YAP1: variants seen among roughly 807,000 people sequenced by gnomAD.
The protein encoded by YAP1 is transcriptional coactivator YAP1.
Under a neutral mutation model 56.9 loss-of-function variants are expected in YAP1, and 5 were observed. The ratio of observed to expected loss-of-function variants is 0.09; its 90% CI spans 0.05 to 0.18. The LOEUF is 0.18. Ranked by LOEUF, YAP1 falls within the 10% of genes least tolerant of loss-of-function variation. The pLI is 1.00. For missense variants in YAP1, 539 were observed against 651.8 expected, an observed-to-expected ratio of 0.83 and a Z score of 1.88; for synonymous variants, 265 against 248.1, an observed-to-expected ratio of 1.07 and a Z score of -0.64.
At chr11:102,202,199 G>A (rs917080385) in intron 4 of YAP1, among the ~76,000 whole-genome samples, 16 of 149,788 alleles carry the variant, frequency 1.1e-4, no homozygotes, top group Admixed American at 2.0e-4. Context: ...TCATTCTTTC[G>A]CCCAGGCTGG....
chr11:102,118,317 T>C (rs1943421948), intron 2 of YAP1, among the ~76,000 whole-genome samples: 1 of 152,174 alleles, frequency 6.6e-6, no homozygotes, highest in African/African-American at 2.4e-5. Context: ...TAAGTTATAT[T>C]GAGTAGCTTG....
chr11:102,219,429 G>A (rs772307362), intron 6 of YAP1, among the ~76,000 whole-genome samples: 5 of 152,078 alleles, frequency 3.3e-5, no homozygotes, highest in African/African-American at 7.2e-5. Flanking sequence ...GGATCACCAC[G>A]GAGAGTTTCT....
At chr11:102,130,978 T>C (rs1944340620) in intron 2 of YAP1, among the ~76,000 whole-genome samples, 1 of 152,088 alleles carries the variant, frequency 6.6e-6, no homozygotes, top group Non-Finnish European at 1.5e-5. Flanking sequence ...TAAGTGTCAT[T>C]GTCCTCTGTG....
In YAP1 at chr11:102,229,711, T is replaced by C; in HGVS notation, c.1286T>C (p.Ile429Thr). ...TGTGTGTTTCCACTAGGTGATACTA[T>C]CAACCAAAGCACCCTGCCCTCACAG... The part of the protein sequence containing the change: ...SVDEMDTGDT[I>T]NQSTLPSQQN... Residue 429 changes from isoleucine (I) to threonine (T), a missense_variant, in exon 9 of 9, where the codon ATC (isoleucine) becomes ACC (threonine). Ile to Thr is a moderately conservative substitution (Grantham distance 89). Transcript: ENST00000282441. 2 of 1,614,028 alleles carry C rather than the reference T, an allele frequency of 1.2e-6. No individual in the cohort carries two copies. The highest frequency in any genetic ancestry group is 1.7e-6 in the Non-Finnish European group (2 of 1,179,920).
chr11:102,211,977 A>G (rs898463149), intron 6 of YAP1, among the ~76,000 whole-genome samples: 1 of 152,222 alleles, frequency 6.6e-6, no homozygotes, highest in African/African-American at 2.4e-5. Flanking sequence ...CACTGGTATT[A>G]CAGGCGTGAG....
intron 8 of YAP1, among the ~76,000 whole-genome samples, chr11:102,228,219 A>G (rs752041935): frequency 1.1e-4 from 16 of 152,182 alleles, no homozygotes; most frequent in Non-Finnish European, 2.1e-4. Context: ...AGAGATGTCT[A>G]CATGTAATTC....
At chr11:102,161,788 A>T (rs1946307066) in intron 2 of YAP1, among the ~76,000 whole-genome samples, 1 of 152,178 alleles carries the variant, frequency 6.6e-6, no homozygotes, top group African/African-American at 2.4e-5. Context: ...ATTTCATGGT[A>T]TTTAGCTGTT....
chr11:102,221,966 C>G (rs934528298), intron 6 of YAP1, among the ~76,000 whole-genome samples: 2 of 151,334 alleles, frequency 1.3e-5, no homozygotes, highest in African/African-American at 4.9e-5. Context: ...TTTTTTTACC[C>G]CATTGAAGTT....
rs1276729141 is a variant in YAP1 at position 102,110,678 on chromosome 11, G to A, written c.-171G>A. On this transcript the variant is annotated 5_prime_UTR_variant, in exon 1 of 9. Coordinates refer to ENST00000282441, the MANE Select transcript of YAP1 (RefSeq NM_001130145.3). ...GGCGCAGGGCGGGGGCGGAGGCGCC[G>A]GGGCGGGGGATGCGGGGCCGCGGCG... 8.8e-6 allele frequency: 4 copies of A among 454,216 alleles called. No individual in the cohort carries two copies. Among genetic ancestry groups the A allele is most frequent in the Non-Finnish European group, 1.3e-5 (4 of 313,330 alleles). 28.1% of individuals were successfully genotyped at this position (454,216 alleles called of 1,614,324 possible).
Position 102,110,932 on chromosome 11 carries a change from C to T in YAP1, c.84C>T (p.Gly28=). 1 of 1,465,668 alleles carries T rather than the reference C, an allele frequency of 6.8e-7. No homozygotes were observed. The highest frequency in any genetic ancestry group is 9.0e-7 in the Non-Finnish European group (1 of 1,112,244). The allele number at this position is 1,465,668 out of a possible 1,614,324, so 90.8% of individuals were successfully genotyped here. A position where few individuals can be genotyped will look rare whatever the true frequency, so the allele number is the denominator to read the frequency against. The part of the protein sequence containing the change: ...QPPSQPPQGQ[G]PPSGPGQPAP... ...CTTCGCAGCCCCCGCAGGGGCAGGG[C>T]CCGCCGTCCGGACCCGGGCAACCGG... is the stretch of plus-strand genomic sequence containing the variant. Residue 28 remains glycine (G), a synonymous_variant, in exon 1 of 9, where the codon GGC becomes GGT. Transcript: ENST00000282441.
intron 3 of YAP1, among the ~76,000 whole-genome samples, chr11:102,173,239 C>G (rs1275093957): frequency 1.3e-5 from 2 of 152,064 alleles, no homozygotes; most frequent in Admixed American, 6.6e-5. Context: ...CCTCTAATAC[C>G]ATATTGCTAG....
chr11:102,132,751 A>G (rs532991800), intron 2 of YAP1, among the ~76,000 whole-genome samples: 7 of 152,366 alleles, frequency 4.6e-5, no homozygotes, highest in Non-Finnish European at 5.9e-5. Context: ...TGCAAAGTGA[A>G]TATAAACCGT....
chr11:102,178,123 T>A (rs2135470229), intron 3 of YAP1, among the ~76,000 whole-genome samples: 1 of 152,266 alleles, frequency 6.6e-6, no homozygotes, highest in South Asian at 2.1e-4. Context: ...GACTTAACAT[T>A]TGCTTGCAAA....
At chr11:102,219,947 TG>T (rs1949840656) in intron 6 of YAP1, among the ~76,000 whole-genome samples, 1 of 151,788 alleles carries the variant, frequency 6.6e-6, no homozygotes, top group Admixed American at 6.5e-5. Context: ...TTGGTCAGGC[TG>T]GTCTCCAACT....
chr11:102,151,152 T>G (rs1164388684), intron 2 of YAP1, among the ~76,000 whole-genome samples: 3 of 152,132 alleles, frequency 2.0e-5, no homozygotes, highest in Admixed American at 2.0e-4. Context: ...TTCTTAAGAC[T>G]AGAATAGTAC....
intron 2 of YAP1, among the ~76,000 whole-genome samples, chr11:102,121,811 AT>A (rs1303050056): frequency 6.6e-6 from 1 of 151,976 alleles, no homozygotes; most frequent in Non-Finnish European, 1.5e-5. Flanking sequence ...TGTTTGGTTT[AT>A]TTTGAGACAG....
intron 3 of YAP1, among the ~76,000 whole-genome samples, chr11:102,179,417 TGGTAATCC>T (rs1947453907): frequency 6.6e-6 from 1 of 152,204 alleles, no homozygotes; most frequent in Non-Finnish European, 1.5e-5. Context: ...TGTTTAATAA[TGGTAATCC>T]CCTTTAAGTA....
At chr11:102,181,089 G>T (rs1414664532) in intron 3 of YAP1, among the ~76,000 whole-genome samples, 1 of 151,920 alleles carries the variant, frequency 6.6e-6, no homozygotes, top group African/African-American at 2.4e-5. Flanking sequence ...CAAGGCTGCA[G>T]TGAGCCGGGA....
At chr11:102,229,662 T>C in intron 8 of YAP1, 40 bp from the exon 9 acceptor site, 1 of 1,590,846 alleles carries the variant, frequency 6.3e-7, no homozygotes, top group African/African-American at 1.3e-5. Flanking sequence ...GATGTTAGCT[T>C]TTCAAAAAGG....
Sources: allele counts gnomAD v4.1 joint callset (sites outside exome capture counted in the v4.1 genomes callset), GRCh38; gene constraint gnomAD v4.1.1; transcripts MANE v1.5; gene names NCBI Gene and HGNC (gene_info 2026-07-23, HGNC 2026-07-21).